Variants in TIAM2 observed in about 807,000 individuals in gnomAD.
TIAM2 encodes rho guanine nucleotide exchange factor TIAM2.
Under a neutral mutation model 152.9 loss-of-function variants are expected in TIAM2, and 80 were observed. The observed-to-expected ratio is 0.52, with a 90% CI of 0.44 to 0.63. The LOEUF (loss-of-function observed/expected upper bound fraction) is 0.63. Among genes scored for constraint, TIAM2 ranks in the 30% least tolerant of loss-of-function variants. TIAM2 has a pLI of 0.00. For synonymous variants in TIAM2, 804 were observed against 838.0 expected, an observed-to-expected ratio of 0.96 and a Z score of 0.70; for missense variants, 1,965 against 2,120.1, an observed-to-expected ratio of 0.93 and a Z score of 1.44.
rs185256935 is a variant in TIAM2 at position 155,157,488 on chromosome 6, A to G, written c.2029-6927A>G. 5.8e-3 allele frequency among the ~76,000 whole-genome samples: 875 copies of G among 151,972 alleles called. 1 individual carries two copies. The highest frequency in any genetic ancestry group is 0.01 in the Non-Finnish European group (691 of 67,960). ...TTAGAATTAAAAATTTTTTTAAAAAATAGAGACGAGGTCTCGCTATGTTGC... is the reference window on the plus strand; with the variant it reads ...TTAGAATTAAAAATTTTTTTAAAAAGTAGAGACGAGGTCTCGCTATGTTGC... On this transcript the variant is annotated intron_variant, in intron 7 of 26. Coordinates refer to ENST00000682666, the MANE Select transcript of TIAM2 (RefSeq NM_012454.4).
Position 155,182,218 on chromosome 6 carries a change from A to G in TIAM2, c.2708-8A>G. On this transcript the variant is annotated splice_polypyrimidine_tract_variant and splice_region_variant and intron_variant, in intron 12 of 26. Coordinates refer to ENST00000682666, the MANE Select transcript of TIAM2 (RefSeq NM_012454.4). ...AGACTTGCTTTTTCCTTTTGTTTTC[A>G]TTCCTAGGGTTTGCAGTTACAGCGC... The G allele has an allele frequency of 1.9e-6, 3 of 1,613,186 alleles. No homozygotes were observed. The highest frequency in any genetic ancestry group is 2.5e-6 in the Non-Finnish European group (3 of 1,179,348).
chr6:155,112,630 G>A (rs1242339324), intron 2 of TIAM2, among the ~76,000 whole-genome samples: 1 of 152,044 alleles, frequency 6.6e-6, no homozygotes, highest in East Asian at 1.9e-4. Context: ...CTTCTCTCCT[G>A]AACTCCAGAC....
intron 1 of TIAM2, among the ~76,000 whole-genome samples, chr6:155,011,415 T>C (rs1778487653): frequency 3.1e-4 from 1 of 3,250 alleles, no homozygotes; most frequent in Non-Finnish European, 3.9e-4. Flanking sequence ...ATCCTGTGGC[T>C]TCTCAATTTT....
chr6:155,045,498 TTC>T (rs1777155178), intron 1 of TIAM2, among the ~76,000 whole-genome samples: 1 of 152,182 alleles, frequency 6.6e-6, no homozygotes, highest in South Asian at 2.1e-4. Flanking sequence ...GTTTCCTTTG[TTC>T]TGTTTGTTCA....
Position 155,129,972 on chromosome 6 carries a change from A to G in TIAM2, c.749A>G (p.Tyr250Cys), listed in dbSNP as rs762066322. Residue 250 changes from tyrosine (Y) to cysteine (C), a missense_variant, in exon 4 of 27, where the codon TAC (tyrosine) becomes TGC (cysteine). This residue lies in a region of TIAM2 where 1,025 missense variants were observed against 1,119.4 expected (regional missense o/e 0.92). Transcript: ENST00000682666. This position sits in a 1 kb window ranked among gnomAD's most constrained non-coding sequence, Gnocchi z 4.8. ...GSSLSSESSW[Y>C]DSPWGNAGEL... Reference sequence around the variant, plus strand: ...TCCCTGAGTTCTGAGTCATCCTGGTACGACTCCCCTTGGGGCAATGCTGGA... The same window carrying G: ...TCCCTGAGTTCTGAGTCATCCTGGTGCGACTCCCCTTGGGGCAATGCTGGA... The G allele has an allele frequency of 1.2e-6, 2 of 1,614,104 alleles. No homozygotes were observed. Among genetic ancestry groups the G allele is most frequent in the African/African-American group, 1.3e-5 (1 of 75,050 alleles).
chr6:155,068,206 C>T (rs1158502037), intron 1 of TIAM2, among the ~76,000 whole-genome samples: 2 of 152,162 alleles, frequency 1.3e-5, no homozygotes, highest in East Asian at 1.9e-4. Context: ...TCACATTTGG[C>T]GTGTGTGTCT....
chr6:155,231,137 C>T (rs1228248727), intron 15 of TIAM2, among the ~76,000 whole-genome samples: 5 of 152,194 alleles, frequency 3.3e-5, no homozygotes, highest in African/African-American at 1.2e-4. Context: ...CCACTGCACC[C>T]GGCCCTACTT....
intron 2 of TIAM2, among the ~76,000 whole-genome samples, chr6:155,103,723 CAAAA>C (rs759945340): frequency 3.3e-5 from 2 of 59,874 alleles, no homozygotes; most frequent in African/African-American, 7.0e-5. Context: ...GACTCTGTCT[CAAAA>C]AAAAAAAAAA....
At chr6:155,043,704 C>G (rs1228648581) in intron 1 of TIAM2, among the ~76,000 whole-genome samples, 2 of 151,784 alleles carry the variant, frequency 1.3e-5, no homozygotes, top group Non-Finnish European at 2.9e-5. Flanking sequence ...TTAGGAGCCC[C>G]CCTGCACCCC....
At chr6:155,179,518 A>T (rs1780843999) in intron 12 of TIAM2, 62 bp downstream of exon 12, 12 of 1,485,302 alleles carry the variant, frequency 8.1e-6, no homozygotes, top group Non-Finnish European at 1.0e-5. Context: ...ACTTTGCCCC[A>T]GCATCTTTGG....
intron 1 of TIAM2, among the ~76,000 whole-genome samples, chr6:155,072,068 T>C (rs978109486): frequency 3.3e-5 from 5 of 152,048 alleles, no homozygotes; most frequent in Non-Finnish European, 7.4e-5. Flanking sequence ...ATGGAGGCAT[T>C]TGGAACACAT....
At chr6:155,083,674 G>C (rs535986602) in intron 1 of TIAM2, among the ~76,000 whole-genome samples, 10 of 152,318 alleles carry the variant, frequency 6.6e-5, no homozygotes. Context: ...AATGAAGAAA[G>C]TCACTTTGCC....
At chr6:155,001,252 G>A (rs1177518713) in intron 1 of TIAM2, among the ~76,000 whole-genome samples, 1 of 152,146 alleles carries the variant, frequency 6.6e-6, no homozygotes, top group Non-Finnish European at 1.5e-5. Flanking sequence ...AACCTAGAAG[G>A]AGAAGGTTGG....
intron 21 of TIAM2, chr6:155,250,685 G>A: frequency 7.0e-7 from 1 of 1,433,618 alleles, no homozygotes; most frequent in Non-Finnish European, 9.5e-7. Context: ...ACATGTGCGT[G>A]CACTGGAGCA....
chr6:155,028,422 CATATA>C lies in TIAM2; in HGVS notation c.-209+32936_-209+32940del, dbSNP rs1198304198. Among the ~76,000 whole-genome samples, 23 of 117,428 alleles carry C rather than the reference CATATA, an allele frequency of 2.0e-4. 1 individual carries two copies. The highest frequency in any genetic ancestry group is 3.8e-4 in the African/African-American group (13 of 33,900). 77.0% of individuals were successfully genotyped at this position (117,428 alleles called of 152,430 possible). On this transcript the variant is annotated intron_variant, in intron 1 of 26. Coordinates refer to ENST00000682666, the MANE Select transcript of TIAM2 (RefSeq NM_012454.4). Reference sequence around the variant, plus strand: ...TATATATACTGTGTTACATATACTACATATAATATATATACTGTGTTACATATACT... The same window carrying C: ...TATATATACTGTGTTACATATACTACATATATATACTGTGTTACATATACT...
intron 1 of TIAM2, among the ~76,000 whole-genome samples, chr6:155,007,218 C>T (rs977609331): frequency 3.9e-5 from 6 of 152,090 alleles, no homozygotes; most frequent in Non-Finnish European, 8.8e-5. Flanking sequence ...CTGCATGATG[C>T]CCCTTTGCAT....
chr6:155,101,774 A>C (rs1327239595), intron 2 of TIAM2, among the ~76,000 whole-genome samples: 1 of 151,578 alleles, frequency 6.6e-6, no homozygotes, highest in Non-Finnish European at 1.5e-5. Flanking sequence ...ACAGTGGTGC[A>C]ATCTCGGCTC....
intron 1 of TIAM2, among the ~76,000 whole-genome samples, chr6:155,089,240 G>GA (rs937648565): frequency 1.7e-4 from 26 of 150,332 alleles, no homozygotes; most frequent in Admixed American, 6.0e-4. Context: ...GGTGTGGGGG[G>GA]ATGGAGTCTC....
At chr6:155,053,310 C>A (rs552245454) in intron 1 of TIAM2, among the ~76,000 whole-genome samples, 1 of 152,124 alleles carries the variant, frequency 6.6e-6, no homozygotes, top group Admixed American at 6.5e-5. Flanking sequence ...TACGTGGGAG[C>A]TTTTTAAACT....
Sources: allele counts gnomAD v4.1 joint callset (sites outside exome capture counted in the v4.1 genomes callset), GRCh38; gene constraint gnomAD v4.1.1; regional missense constraint gnomAD v4.1.1; non-coding constraint Gnocchi (gnomAD v3.1); transcripts MANE v1.5; gene names NCBI Gene and HGNC (gene_info 2026-07-23, HGNC 2026-07-21).